ZBTB20: variants seen among roughly 807,000 people sequenced by gnomAD.
ZBTB20 encodes zinc finger and BTB domain containing 20, also known as zinc finger and BTB domain-containing protein 20.
In ZBTB20, 9 loss-of-function variants were observed where a neutral mutation model predicts 56.9. The ratio of observed to expected loss-of-function variants is 0.16; its 90% CI spans 0.10 to 0.28. ZBTB20 has a LOEUF of 0.28. Among genes scored for constraint, ZBTB20 ranks in the 10% least tolerant of loss-of-function variants. ZBTB20 has a pLI of 1.00. For missense variants in ZBTB20, 655 were observed against 1,003.0 expected (o/e 0.65, Z 4.69); for synonymous variants, 417 against 420.7 (o/e 0.99, Z 0.11).
chr3:115,043,840 G>C (rs1241689533), intron 2 of ZBTB20, among the ~76,000 whole-genome samples: 1 of 151,992 alleles, frequency 6.6e-6, no homozygotes, highest in Non-Finnish European at 1.5e-5. Context: ...GATGAAATGT[G>C]GTCTCCGGTG....
chr3:114,733,149 C>T (rs1034394340), intron 5 of ZBTB20, among the ~76,000 whole-genome samples: 3 of 152,086 alleles, frequency 2.0e-5, no homozygotes, highest in African/African-American at 7.2e-5. Context: ...GATTTTTCCA[C>T]ATAAGTTAGT....
chr3:114,423,461 T>G (rs1364588651), intron 7 of ZBTB20, among the ~76,000 whole-genome samples: 1 of 152,212 alleles, frequency 6.6e-6, no homozygotes, highest in Non-Finnish European at 1.5e-5. Flanking sequence ...AGTTCCATAC[T>G]TAATGGAAAT....
chr3:114,350,149 G>C lies in ZBTB20; in HGVS notation c.1804+125C>G, dbSNP rs567239994. The C allele has an allele frequency of 2.5e-4, 342 of 1,366,228 alleles. 3 individuals carry two copies. In the South Asian group the frequency reaches 4.4e-3, roughly 18 times the overall value. The allele number at this position is 1,366,228 out of a possible 1,614,324, so 84.6% of individuals were successfully genotyped here. ...CAGTTGGGGTTTCTAGAAGAGGCTT[G>C]TGGTGGGGTCTGTTTAAAATCTGAA... On this transcript the variant is annotated intron_variant, in intron 11 of 11. Coordinates refer to ENST00000675478, the MANE Select transcript of ZBTB20 (RefSeq NM_001348800.3).
At chr3:114,827,261 G>T (rs1047410410) in intron 4 of ZBTB20, among the ~76,000 whole-genome samples, 19 of 151,494 alleles carry the variant, frequency 1.3e-4, no homozygotes, top group African/African-American at 4.6e-4. Context: ...TGTAATTTTT[G>T]ACCTCTACTG....
chr3:114,646,584 GGAGA>G (rs1442606968), intron 6 of ZBTB20, among the ~76,000 whole-genome samples: 1 of 152,138 alleles, frequency 6.6e-6, no homozygotes, highest in Non-Finnish European at 1.5e-5. Context: ...ATTGTATATT[GGAGA>G]GTTAGTTGAC....
rs79386315 is a variant in ZBTB20 at position 114,460,174 on chromosome 3, T to C, written c.-255+40178A>G. Among the ~76,000 whole-genome samples the C allele has an allele frequency of 4.8e-3, 734 of 152,248 alleles. 50 individuals carry two copies. In the East Asian group the frequency reaches 0.13, roughly 27 times the overall value. ...TATACTCTTGACTCCAGATCCCCTC[T>C]TTTTTGGACATATTTTACTGACGGA... On this transcript the variant is annotated intron_variant, in intron 7 of 11. Transcript: ENST00000675478.
chr3:114,390,317 T>G (rs2085717661), intron 7 of ZBTB20, among the ~76,000 whole-genome samples: 1 of 152,204 alleles, frequency 6.6e-6, no homozygotes, highest in Admixed American at 6.5e-5. Flanking sequence ...TTGTGTACTT[T>G]TACCACATTT....
intron 6 of ZBTB20, among the ~76,000 whole-genome samples, chr3:114,560,757 G>A (rs748347283): frequency 2.6e-5 from 4 of 152,164 alleles, no homozygotes; most frequent in Non-Finnish European, 5.9e-5. Flanking sequence ...ACTGATCAGG[G>A]TGGTGGTTTC....
chr3:114,950,113 AG>A (rs1560429009), intron 3 of ZBTB20, among the ~76,000 whole-genome samples: 1 of 152,186 alleles, frequency 6.6e-6, no homozygotes, highest in Non-Finnish European at 1.5e-5. Flanking sequence ...TTCGACGAGT[AG>A]AACAATAGGA....
chr3:114,450,200 A>G (rs2091518489), intron 7 of ZBTB20, among the ~76,000 whole-genome samples: 1 of 152,198 alleles, frequency 6.6e-6, no homozygotes, highest in South Asian at 2.1e-4. Flanking sequence ...GTGGCCATTC[A>G]GAAGACTGCA....
chr3:114,384,183 CCTCT>C lies in ZBTB20; in HGVS notation c.-153-3247_-153-3244del, dbSNP rs148683084. Among the ~76,000 whole-genome samples the C allele has an allele frequency of 5.7e-4, 86 of 150,822 alleles. 2 individuals carry two copies. Among genetic ancestry groups the C allele is most frequent in the South Asian group, 5.5e-3 (26 of 4,734 alleles). ...CTCTCTCTCTCTCCAACCCCTTCCT[CCTCT>C]CTCTCTGTTAAAATTATACACTCTG... On this transcript the variant is annotated intron_variant, in intron 8 of 11. Coordinates refer to ENST00000675478, the MANE Select transcript of ZBTB20 (RefSeq NM_001348800.3).
intron 6 of ZBTB20, among the ~76,000 whole-genome samples, chr3:114,544,413 CTTTCTTTCTTT>C (rs2049498603): frequency 2.2e-4 from 2 of 8,918 alleles, no homozygotes; most frequent in East Asian, 6.6e-3. Context: ...TTTCTTCTTT[CTTTCTTTCTTT>C]CTTTCTTTCT....
intron 7 of ZBTB20, among the ~76,000 whole-genome samples, chr3:114,442,186 A>G (rs1239625596): frequency 6.6e-6 from 1 of 152,186 alleles, no homozygotes; most frequent in African/African-American, 2.4e-5. Context: ...TTCTTGGCCA[A>G]GTGTTAACTA....
At chr3:114,540,763 C>T (rs2049019677) in intron 6 of ZBTB20, among the ~76,000 whole-genome samples, 1 of 152,012 alleles carries the variant, frequency 6.6e-6, no homozygotes, top group Admixed American at 6.6e-5. Flanking sequence ...GTCCCATTTG[C>T]CCCCTGTGCT....
Position 115,144,552 on chromosome 3 carries a change from T to C in ZBTB20, c.-703+2667A>G, listed in dbSNP as rs75018237. 2.3e-3 allele frequency among the ~76,000 whole-genome samples: 356 copies of C among 152,304 alleles called. 2 individuals are homozygous for C. Among genetic ancestry groups the C allele is most frequent in the African/African-American group, 8.4e-3 (350 of 41,566 alleles). On this transcript the variant is annotated intron_variant, in intron 1 of 11. Coordinates refer to ENST00000675478, the MANE Select transcript of ZBTB20 (RefSeq NM_001348800.3). Reference sequence around the variant, plus strand: ...TAGAAGAAACTGGCATCACATCAACTGGTAGTTCTAAACACCCCCTTCCCC... The same window carrying C: ...TAGAAGAAACTGGCATCACATCAACCGGTAGTTCTAAACACCCCCTTCCCC...
intron 6 of ZBTB20, among the ~76,000 whole-genome samples, chr3:114,646,806 T>C (rs564777253): frequency 2.0e-5 from 3 of 152,250 alleles, no homozygotes; most frequent in Non-Finnish European, 2.9e-5. Context: ...GGAAGATAAA[T>C]AACCTCAGTA....
intron 7 of ZBTB20, chr3:114,453,463 G>A (rs952557343): frequency 3.3e-5 from 5 of 152,090 alleles, no homozygotes; most frequent in African/African-American, 7.2e-5. Flanking sequence ...GTACCCCATT[G>A]GTATTTTGGG....
At chr3:114,640,847 C>A (rs1056151011) in intron 6 of ZBTB20, among the ~76,000 whole-genome samples, 2 of 151,862 alleles carry the variant, frequency 1.3e-5, no homozygotes, top group African/African-American at 4.8e-5. Context: ...AACAAAATTT[C>A]TATGAATTAT....
chr3:114,894,743 G>A (rs921697041), intron 4 of ZBTB20, among the ~76,000 whole-genome samples: 3 of 152,162 alleles, frequency 2.0e-5, no homozygotes, highest in African/African-American at 7.2e-5. Flanking sequence ...ACAGCCCTGA[G>A]AAGAACCAAC....
Sources: gnomAD v4.1 joint callset for allele counts (sites outside exome capture counted in the v4.1 genomes callset) on GRCh38, gnomAD v4.1.1 for gene constraint, MANE v1.5 for transcripts, NCBI Gene and HGNC (gene_info 2026-07-23, HGNC 2026-07-21) for gene names.